Variants in PCSK6 observed in about 807,000 individuals in gnomAD.
PCSK6 encodes the protein proprotein convertase subtilisin/kexin type 6, also known as paired basic amino acid cleaving enzyme 4.
Under a neutral mutation model 123.3 loss-of-function variants are expected in PCSK6, and 85 were observed. The ratio of observed to expected loss-of-function variants is 0.69; its 90% CI spans 0.58 to 0.83. The LOEUF (loss-of-function observed/expected upper bound fraction) is 0.83, where lower values mean the gene tolerates loss of function less well. Ranked by LOEUF, PCSK6 falls within the 40% of genes least tolerant of loss-of-function variation. PCSK6 has a pLI of 0.00. For missense variants in PCSK6, 1,191 were observed against 1,282.3 expected, an observed-to-expected ratio of 0.93 and a Z score of 1.09; for synonymous variants, 508 against 516.0, an observed-to-expected ratio of 0.98 and a Z score of 0.21.
intron 9 of PCSK6, among the ~76,000 whole-genome samples, chr15:101,386,818 G>A (rs754482605): frequency 1.3e-5 from 2 of 152,216 alleles, no homozygotes; most frequent in Admixed American, 6.5e-5. Flanking sequence ...GTATCTACCC[G>A]AGTCCCTGCT....
intron 13 of PCSK6, among the ~76,000 whole-genome samples, chr15:101,360,803 G>A (rs998735884): frequency 6.6e-6 from 1 of 152,188 alleles, no homozygotes; most frequent in Admixed American, 6.6e-5. Flanking sequence ...TCTTCTTTGA[G>A]CTTTACTCAA....
chr15:101,370,645 G>A (rs544216312), intron 11 of PCSK6, 122 bp from the exon 12 acceptor site: 46 of 872,946 alleles, frequency 5.3e-5, no homozygotes, highest in Middle Eastern at 3.9e-4. Flanking sequence ...TGCGGGCCCC[G>A]GGGAGCCGCA....
chr15:101,366,392 G>A (rs2041391923), intron 12 of PCSK6, 60 bp from the exon 13 acceptor site: 2 of 1,549,954 alleles, frequency 1.3e-6, no homozygotes, highest in Non-Finnish European at 8.8e-7. Context: ...CTGGGCGGAG[G>A]GGCTGGCACA....
intron 6 of PCSK6, among the ~76,000 whole-genome samples, chr15:101,425,566 T>C (rs1341001570): frequency 6.6e-6 from 1 of 152,244 alleles, no homozygotes. Context: ...TTCTGTATAA[T>C]GTATAAATCT....
At chr15:101,327,466 C>T (rs757722293) in intron 15 of PCSK6, among the ~76,000 whole-genome samples, 57 of 152,164 alleles carry the variant, frequency 3.7e-4, no homozygotes, top group African/African-American at 1.0e-3. Flanking sequence ...GTCCCTCCTA[C>T]GCTGGGAAAC....
intron 1 of PCSK6, among the ~76,000 whole-genome samples, chr15:101,447,737 G>A (rs564168000): frequency 3.7e-4 from 57 of 152,368 alleles, no homozygotes; most frequent in South Asian, 1.7e-3. Flanking sequence ...GGACGTCCTG[G>A]GTGGCTGCTG....
At chr15:101,344,070 T>C (rs1329592584) in intron 13 of PCSK6, among the ~76,000 whole-genome samples, 1 of 151,658 alleles carries the variant, frequency 6.6e-6, no homozygotes, top group Non-Finnish European at 1.5e-5. Flanking sequence ...AACAAGATTC[T>C]GTCTCAAAAA....
At position 101,489,613 on chromosome 15, in the gene PCSK6, CGGCGGCGGCCCGG is replaced by C. The variant is rs2058126313; in HGVS notation, c.45_57del (p.Arg16ProfsTer101). 3 of 972,990 alleles carry C rather than the reference CGGCGGCGGCCCGG, an allele frequency of 3.1e-6. No homozygotes were observed. Among genetic ancestry groups the C allele is most frequent in the Non-Finnish European group, 2.4e-6 (2 of 823,488 alleles). The allele number at this position is 972,990 out of a possible 1,614,324, so 60.3% of individuals were successfully genotyped here. A position where few individuals can be genotyped will look rare whatever the true frequency, so the allele number is the denominator to read the frequency against. ...CCCGCGCCCGCGGCGGTGTCGGTGG[CGGCGGCGGCCCGG>C]GGCGGCGGCCGGGGCCCGGGCGCAG... On this transcript the variant is annotated frameshift_variant, in exon 1 of 22. Coordinates refer to ENST00000611716, the MANE Select transcript of PCSK6 (RefSeq NM_002570.5). LOFTEE classifies it high-confidence loss of function.
intron 1 of PCSK6, among the ~76,000 whole-genome samples, chr15:101,450,937 A>C (rs1186633050): frequency 2.6e-5 from 4 of 151,724 alleles, no homozygotes; most frequent in Non-Finnish European, 5.9e-5. Flanking sequence ...AGTGCCCTTC[A>C]TTCATGGCAC....
chr15:101,331,124 C>A (rs1394461137), intron 15 of PCSK6, among the ~76,000 whole-genome samples: 1 of 152,202 alleles, frequency 6.6e-6, no homozygotes, highest in African/African-American at 2.4e-5. Context: ...GAATAAAAGC[C>A]ATGTCCAGCT....
In PCSK6 at chr15:101,305,373, GA is replaced by G; in HGVS notation, c.2813-19del. 1 of 1,605,472 alleles carries G rather than the reference GA, an allele frequency of 6.2e-7. No individual in the cohort carries two copies. On this transcript the variant is annotated intron_variant, in intron 21 of 21. Transcript: ENST00000611716. The surrounding 1 kb of genome is among the most constrained non-coding windows in gnomAD (Gnocchi z 4.8). ...CTCGTCAGCTGGGGCCCCGCATCAG[GA>G]AAGGCAAAAGAGGGAAAGGTCAGTC...
Position 101,431,302 on chromosome 15 carries a change from T to A in PCSK6, c.657+18A>T. On this transcript the variant is annotated intron_variant, in intron 4 of 21. Transcript: ENST00000611716. ...ACAGTTGAATATATTTGCATGTCAG[T>A]TCCGAGGATTGACTTACATAATTTG... is the stretch of plus-strand genomic sequence containing the variant. The A allele has an allele frequency of 6.2e-7, 1 of 1,613,704 alleles. No homozygotes were observed. The highest frequency in any genetic ancestry group is 8.5e-7 in the Non-Finnish European group (1 of 1,179,622).
At chr15:101,457,508 G>C (rs1429178405) in intron 1 of PCSK6, among the ~76,000 whole-genome samples, 2 of 152,242 alleles carry the variant, frequency 1.3e-5, no homozygotes, top group Non-Finnish European at 2.9e-5. Flanking sequence ...TTAAAGAAAA[G>C]AACAAGGATG....
Position 101,429,979 on chromosome 15 carries a change from T to C in PCSK6, c.734+8A>G. ...GAGAAGCCGGGGAGATGAGGCGAGG[T>C]GACGTACTTATTTTCATTGCTGGCA... On this transcript the variant is annotated splice_region_variant and intron_variant, in intron 5 of 21. Transcript: ENST00000611716. 6.2e-7 allele frequency: 1 copy of C among 1,609,292 alleles called. No individual in the cohort carries two copies.
At chr15:101,473,144 A>G (rs1293613294) in intron 1 of PCSK6, among the ~76,000 whole-genome samples, 1 of 152,204 alleles carries the variant, frequency 6.6e-6, no homozygotes, top group Non-Finnish European at 1.5e-5. Flanking sequence ...GCATGATCAT[A>G]GCTCACTGCA....
chr15:101,433,062 A>G (rs1167060531), intron 2 of PCSK6, among the ~76,000 whole-genome samples: 1 of 152,236 alleles, frequency 6.6e-6, no homozygotes, highest in African/African-American at 2.4e-5. Context: ...TCAAGGAAAA[A>G]AGTTCACAAG....
chr15:101,436,139 A>T (rs2141132301), intron 2 of PCSK6, among the ~76,000 whole-genome samples: 1 of 152,202 alleles, frequency 6.6e-6, no homozygotes, highest in African/African-American at 2.4e-5. Context: ...CCTAACTTCA[A>T]GCCTGTGCCT....
intron 1 of PCSK6, among the ~76,000 whole-genome samples, chr15:101,470,740 G>C (rs945434971): frequency 1.3e-5 from 2 of 152,160 alleles, no homozygotes; most frequent in Non-Finnish European, 1.5e-5. Flanking sequence ...CTCCCACAAG[G>C]AGTCTGACCG....
chr15:101,429,982 C>T lies in PCSK6; in HGVS notation c.734+5G>A, dbSNP rs199880231. 2.3e-4 allele frequency: 368 copies of T among 1,609,914 alleles called. No homozygotes were observed. The highest frequency in any genetic ancestry group is 7.0e-5 in the Non-Finnish European group (82 of 1,176,388). On this transcript the variant is annotated splice_donor_5th_base_variant and intron_variant, in intron 5 of 21. Transcript: ENST00000611716. ...AAGCCGGGGAGATGAGGCGAGGTGACGTACTTATTTTCATTGCTGGCATCA... is the reference window on the plus strand; with the variant it reads ...AAGCCGGGGAGATGAGGCGAGGTGATGTACTTATTTTCATTGCTGGCATCA...
Sources: allele counts gnomAD v4.1 joint callset (sites outside exome capture counted in the v4.1 genomes callset), GRCh38; gene constraint gnomAD v4.1.1; non-coding constraint Gnocchi (gnomAD v3.1); transcripts MANE v1.5; gene names NCBI Gene and HGNC (gene_info 2026-07-23, HGNC 2026-07-21).